The following OSBPL10 variants were observed in gnomAD, a reference collection of about 807,000 sequenced individuals.
The protein encoded by OSBPL10 is oxysterol-binding protein-related protein 10.
OSBPL10 carries 49 observed loss-of-function variants against 81.7 expected under a neutral mutation model. The observed-to-expected ratio is 0.60, with a 90% CI of 0.48 to 0.76. The LOEUF is 0.76. Ranked by LOEUF, OSBPL10 falls within the 30% of genes least tolerant of loss-of-function variation. OSBPL10 has a pLI of 0.00. For synonymous variants in OSBPL10, 419 were observed against 383.6 expected (o/e 1.09, Z -1.08); for missense variants, 923 against 987.8 (o/e 0.93, Z 0.88).
At chr3:31,842,829 A>C (rs934941385) in intron 3 of OSBPL10, among the ~76,000 whole-genome samples, 2 of 152,230 alleles carry the variant, frequency 1.3e-5, no homozygotes, top group African/African-American at 4.8e-5. Context: ...CGGGAAGAGC[A>C]AAAGAGAAGT....
chr3:32,037,485 TA>T, intron 2 of OSBPL10: 4 of 185,246 alleles, frequency 2.2e-5, no homozygotes, highest in Admixed American at 5.6e-5. Flanking sequence ...CCCCCATTTC[TA>T]AAAAAATTTT....
At chr3:32,016,250 G>A (rs1395131528) in intron 2 of OSBPL10, among the ~76,000 whole-genome samples, 1 of 152,162 alleles carries the variant, frequency 6.6e-6, no homozygotes, top group Non-Finnish European at 1.5e-5. Flanking sequence ...TATACACCAT[G>A]GAATACTATG....
intron 3 of OSBPL10, among the ~76,000 whole-genome samples, chr3:31,844,273 A>T (rs939694908): frequency 6.6e-6 from 1 of 152,254 alleles, no homozygotes; most frequent in Admixed American, 6.5e-5. Context: ...CTCAGCCTGT[A>T]TATTTTATGA....
rs191584084 is a variant in OSBPL10 at position 31,886,324 on chromosome 3, G to A, written c.282-6494C>T. On this transcript the variant is annotated intron_variant, in intron 1 of 11. Coordinates refer to ENST00000396556, the MANE Select transcript of OSBPL10 (RefSeq NM_017784.5). ...CCACATTACTGCTATTACCAAGAGG[G>A]GCTCAGGCTCCTCTTAGTCCTGGTG... 1.4e-3 allele frequency among the ~76,000 whole-genome samples: 220 copies of A among 152,150 alleles called. 1 individual carries two copies. The highest frequency in any genetic ancestry group is 4.5e-3 in the African/African-American group (185 of 41,506).
At chr3:31,882,160 C>T (rs547263961) in intron 1 of OSBPL10, among the ~76,000 whole-genome samples, 25 of 152,238 alleles carry the variant, frequency 1.6e-4, no homozygotes, top group Non-Finnish European at 3.4e-4. Flanking sequence ...CTCATTAGCA[C>T]ATGACTGCCC....
In OSBPL10 at chr3:31,813,655, G is replaced by A. The variant is rs548301446; in HGVS notation, c.729+16385C>T. Among the ~76,000 whole-genome samples, 7 of 152,220 alleles carry A rather than the reference G, an allele frequency of 4.6e-5. No homozygotes were observed. The South Asian group carries it at 1.0e-3, about 23-fold the overall frequency. On this transcript the variant is annotated intron_variant, in intron 4 of 11. Coordinates refer to ENST00000396556, the MANE Select transcript of OSBPL10 (RefSeq NM_017784.5). ...TGGAGGCAAAATGGGGTAGGGGAGG[G>A]GACGAGGTGCATGTACCCATGCTTT...
chr3:31,665,242 G>A (rs750339724), intron 10 of OSBPL10, among the ~76,000 whole-genome samples: 1 of 152,098 alleles, frequency 6.6e-6, no homozygotes, highest in South Asian at 2.1e-4. Context: ...TGATAAATCA[G>A]GACACCACCA....
chr3:31,987,504 C>G (rs2125517130), intron 2 of OSBPL10, among the ~76,000 whole-genome samples: 1 of 152,318 alleles, frequency 6.6e-6, no homozygotes, highest in Non-Finnish European at 1.5e-5. Flanking sequence ...TCATGTACTA[C>G]AGAATTAACC....
At chr3:31,817,406 T>C (rs1219932155) in intron 4 of OSBPL10, among the ~76,000 whole-genome samples, 1 of 152,124 alleles carries the variant, frequency 6.6e-6, no homozygotes, top group Non-Finnish European at 1.5e-5. Flanking sequence ...GGGAGGCCCT[T>C]CCTGGGCCCC....
At chr3:31,780,758 G>A (rs1197650363) in intron 4 of OSBPL10, among the ~76,000 whole-genome samples, 1 of 152,062 alleles carries the variant, frequency 6.6e-6, no homozygotes, top group Non-Finnish European at 1.5e-5. Flanking sequence ...GATTAAATTA[G>A]GAAGAAATAG....
chr3:31,798,074 T>TTTA (rs1240777929), intron 4 of OSBPL10, among the ~76,000 whole-genome samples: 1 of 152,194 alleles, frequency 6.6e-6, no homozygotes, highest in Admixed American at 6.6e-5. Flanking sequence ...CCTCCAGCCA[T>TTTA]ACATAGCTAC....
At chr3:31,955,617 C>T (rs1327804265) in intron 1 of OSBPL10, among the ~76,000 whole-genome samples, 2 of 152,194 alleles carry the variant, frequency 1.3e-5, no homozygotes, top group Admixed American at 1.3e-4. Context: ...AATCCTCTTC[C>T]CTCTTTTCTT....
At chr3:31,924,808 G>T (rs974930448) in intron 1 of OSBPL10, among the ~76,000 whole-genome samples, 4 of 151,906 alleles carry the variant, frequency 2.6e-5, no homozygotes, top group African/African-American at 9.7e-5. Flanking sequence ...AACTGTGGCT[G>T]TGTTCCAATA....
chr3:31,851,652 C>T (rs1700768994), intron 3 of OSBPL10, among the ~76,000 whole-genome samples: 1 of 152,226 alleles, frequency 6.6e-6, no homozygotes, highest in South Asian at 2.1e-4. Flanking sequence ...ACACAGAGCA[C>T]AGGGGAATAA....
At chr3:31,981,295 G>A (rs1389484307), upstream of OSBPL10, 23 of 1,283,578 alleles carry the variant, frequency 1.8e-5, no homozygotes, top group Middle Eastern at 3.0e-4. This position sits in a 1 kb window ranked among gnomAD's most constrained non-coding sequence, Gnocchi z 4.5. Flanking sequence ...CCAAATCCCC[G>A]GGAAATGCCT....
At chr3:31,982,644 T>C (rs1698873493), upstream of OSBPL10, among the ~76,000 whole-genome samples, 1 of 136,812 alleles carries the variant, frequency 7.3e-6, no homozygotes, top group South Asian at 2.8e-4. Context: ...GGTGCCTACA[T>C]AGTGTTAAAA....
intron 4 of OSBPL10, among the ~76,000 whole-genome samples, chr3:31,759,370 A>G (rs917359574): frequency 6.6e-6 from 1 of 152,178 alleles, no homozygotes; most frequent in Admixed American, 6.5e-5. Context: ...CCCTTGCACA[A>G]CATCTGAAAC....
intron 7 of OSBPL10, 118 bp from the exon 8 acceptor site, chr3:31,684,232 A>C: frequency 7.3e-7 from 1 of 1,378,024 alleles, no homozygotes; most frequent in Non-Finnish European, 9.8e-7. Context: ...GCCAGGGAGC[A>C]GTCTGTTTTG....
At chr3:31,972,196 C>A (rs1698586080) in intron 1 of OSBPL10, among the ~76,000 whole-genome samples, 1 of 152,184 alleles carries the variant, frequency 6.6e-6, no homozygotes, top group Admixed American at 6.5e-5. Flanking sequence ...CAAGACCAGC[C>A]TGGCCAACAT....
Sources: gnomAD v4.1 joint callset for allele counts (sites outside exome capture counted in the v4.1 genomes callset) on GRCh38, gnomAD v4.1.1 for gene constraint, Gnocchi (gnomAD v3.1) non-coding constraint, MANE v1.5 for transcripts, NCBI Gene and HGNC (gene_info 2026-07-23, HGNC 2026-07-21) for gene names.